ADAMTS16: variants seen among roughly 807,000 people sequenced by gnomAD.
ADAMTS16 encodes ADAM metallopeptidase with thrombospondin type 1 motif 16, also known as A disintegrin and metalloproteinase with thrombospondin motifs 16.
Under a neutral mutation model 145.8 loss-of-function variants are expected in ADAMTS16, and 94 were observed. The ratio of observed to expected loss-of-function variants is 0.64; its 90% confidence interval spans 0.55 to 0.77. ADAMTS16 has a LOEUF of 0.77. ADAMTS16 is among the 30% of genes least tolerant of loss of function. ADAMTS16 has a pLI of 0.00. For missense variants in ADAMTS16, 1,585 were observed against 1,591.5 expected, an observed-to-expected ratio of 1.00 and a Z score of 0.07; for synonymous variants, 659 against 604.3, an observed-to-expected ratio of 1.09 and a Z score of -1.33.
chr5:5,311,310 A>AC (rs1561005021), intron 21 of ADAMTS16, among the ~76,000 whole-genome samples: 34 of 145,454 alleles, frequency 2.3e-4, no homozygotes, highest in African/African-American at 8.7e-4. Context: ...CAAAAAAAAA[A>AC]AAAAAAACAA....
chr5:5,140,404 GC>G lies in ADAMTS16; in HGVS notation c.-61del. 1.4e-6 allele frequency: 2 copies of G among 1,465,018 alleles called. No homozygotes were observed. The highest frequency in any genetic ancestry group is 2.9e-5 in the East Asian group (1 of 34,378). 90.8% of individuals were successfully genotyped at this position (1,465,018 alleles called of 1,614,324 possible). A position where few individuals can be genotyped will look rare whatever the true frequency, so the allele number is the denominator to read the frequency against. ...GCTCTGCCTGGGTCGGGTCCTCCCT[GC>G]CCGCTCGCACGCTGCCGGCCGGGGA... is the stretch of plus-strand genomic sequence containing the variant. On this transcript the variant is annotated 5_prime_UTR_variant, in exon 1 of 23. Coordinates refer to ENST00000274181, the MANE Select transcript of ADAMTS16 (RefSeq NM_139056.4).
chr5:5,156,793 AAGG>A (rs1453738872), intron 3 of ADAMTS16, among the ~76,000 whole-genome samples: 12 of 152,182 alleles, frequency 7.9e-5, no homozygotes, highest in African/African-American at 2.9e-4. Flanking sequence ...ATCACTTCTG[AAGG>A]AGAAGTTAGG....
Position 5,235,063 on chromosome 5 carries a change from C to T in ADAMTS16, c.1900C>T (p.Leu634Phe). 1.2e-6 allele frequency: 2 copies of T among 1,603,460 alleles called. No individual in the cohort carries two copies. The highest frequency in any genetic ancestry group is 1.7e-5 in the Admixed American group (1 of 59,832). The change falls in exon 13 of 23, where the codon CTC becomes TTC. Residue 634 changes from leucine to phenylalanine, a missense_variant. Around this residue, in one of 3 missense-constraint regions of ADAMTS16, gnomAD observed 834 missense variants for 811.7 expected, o/e 1.03. Coordinates refer to ENST00000274181, the MANE Select transcript of ADAMTS16 (RefSeq NM_139056.4). ...TGAGGGCTCCACTCGCACTCTGAAG[C>T]TCTGCAACAGTCAGAAATGTCCCCG... ...FCEGSTRTLK[L>F]CNSQKCPRDS... is the part of the protein sequence containing the mutation.
intron 10 of ADAMTS16, among the ~76,000 whole-genome samples, chr5:5,220,156 C>CTTT (rs11323873): frequency 7.1e-4 from 84 of 118,232 alleles, no homozygotes; most frequent in African/African-American, 2.5e-3. Context: ...AATAATTTAA[C>CTTT]TTTTTTTTTT....
chr5:5,174,562 T>A (rs1191007926), intron 3 of ADAMTS16, among the ~76,000 whole-genome samples: 1 of 152,178 alleles, frequency 6.6e-6, no homozygotes, highest in Non-Finnish European at 1.5e-5. Context: ...CTGCCTTCTC[T>A]TTAGGTCCAA....
At chr5:5,278,296 G>A (rs1054814280) in intron 18 of ADAMTS16, among the ~76,000 whole-genome samples, 8 of 152,240 alleles carry the variant, frequency 5.3e-5, no homozygotes, top group East Asian at 1.9e-4. Flanking sequence ...CATGATAGCC[G>A]GTTTCTATTT....
intron 3 of ADAMTS16, among the ~76,000 whole-genome samples, chr5:5,173,593 C>G (rs1422372383): frequency 6.6e-6 from 1 of 151,984 alleles, no homozygotes; most frequent in African/African-American, 2.4e-5. Flanking sequence ...CCTGCCTCAG[C>G]CTCCTGAGTA....
At chr5:5,213,049 C>G (rs577404263) in intron 10 of ADAMTS16, among the ~76,000 whole-genome samples, 130 of 152,312 alleles carry the variant, frequency 8.5e-4, no homozygotes, top group Non-Finnish European at 9.7e-4. Flanking sequence ...AATGCAAGGT[C>G]CTTACAACAA....
At chr5:5,286,150 T>C (rs923265796) in intron 18 of ADAMTS16, among the ~76,000 whole-genome samples, 2 of 152,214 alleles carry the variant, frequency 1.3e-5, no homozygotes, top group Non-Finnish European at 2.9e-5. Context: ...ATGAGGTCTT[T>C]AAATACAGCC....
At chr5:5,261,417 T>G (rs1738017113) in intron 17 of ADAMTS16, among the ~76,000 whole-genome samples, 1 of 152,014 alleles carries the variant, frequency 6.6e-6, no homozygotes, top group Admixed American at 6.6e-5. Flanking sequence ...GGATTACAAG[T>G]GCGAGCCACC....
At chr5:5,271,247 T>A (rs532615841) in intron 18 of ADAMTS16, among the ~76,000 whole-genome samples, 2 of 152,272 alleles carry the variant, frequency 1.3e-5, no homozygotes, top group East Asian at 3.9e-4. Flanking sequence ...GGGCAGGGTG[T>A]TGGGTGTCTA....
chr5:5,236,248 G>A (rs1389965377), intron 13 of ADAMTS16, among the ~76,000 whole-genome samples: 8 of 151,542 alleles, frequency 5.3e-5, no homozygotes, highest in Admixed American at 5.3e-4. Context: ...TGAGTCTCAG[G>A]CCTATAAAAA....
At chr5:5,243,153 A>G (rs1386498738) in intron 17 of ADAMTS16, among the ~76,000 whole-genome samples, 2 of 152,280 alleles carry the variant, frequency 1.3e-5, no homozygotes, top group Non-Finnish European at 2.9e-5. Context: ...TGAAAGATTA[A>G]CAAAAAGTTT....
chr5:5,239,387 C>A, intron 15 of ADAMTS16, 113 bp downstream of exon 15: 1 of 1,427,440 alleles, frequency 7.0e-7, no homozygotes, highest in Non-Finnish European at 9.4e-7. Flanking sequence ...CGCTGCCTCG[C>A]TTCCTGCCTC....
intron 18 of ADAMTS16, among the ~76,000 whole-genome samples, chr5:5,299,650 T>C (rs6555351): frequency 0.74 from 112,219 of 151,908 alleles, 41,870 homozygotes; most frequent in South Asian, 0.82. Flanking sequence ...CTGTAAACCC[T>C]GTCACTTTCT....
At chr5:5,260,311 T>C (rs574743526) in intron 17 of ADAMTS16, among the ~76,000 whole-genome samples, 37 of 152,332 alleles carry the variant, frequency 2.4e-4, no homozygotes, top group Non-Finnish European at 2.5e-4. Flanking sequence ...ATTTCCAGAG[T>C]TTAAATCTTG....
chr5:5,219,233 TGTAAA>T (rs901601167), intron 10 of ADAMTS16, among the ~76,000 whole-genome samples: 3 of 152,196 alleles, frequency 2.0e-5, no homozygotes, highest in African/African-American at 7.2e-5. Context: ...CATTTATTTG[TGTAAA>T]GAACATCACA....
At chr5:5,208,030 C>A (rs993016488) in intron 9 of ADAMTS16, among the ~76,000 whole-genome samples, 1 of 151,454 alleles carries the variant, frequency 6.6e-6, no homozygotes, top group Non-Finnish European at 1.5e-5. Context: ...ATAATGCTGA[C>A]CTCATCTTAA....
chr5:5,288,382 C>T (rs557998255), intron 18 of ADAMTS16, among the ~76,000 whole-genome samples: 99 of 152,254 alleles, frequency 6.5e-4, no homozygotes, highest in African/African-American at 2.3e-3. Context: ...TAGAATGCCA[C>T]GTAAAAGGCT....
Sources: allele counts gnomAD v4.1 joint callset (sites outside exome capture counted in the v4.1 genomes callset), GRCh38; gene constraint gnomAD v4.1.1; regional missense constraint gnomAD v4.1.1; transcripts MANE v1.5; gene names NCBI Gene and HGNC (gene_info 2026-07-23, HGNC 2026-07-21).